Variants in SASH1 observed in about 807,000 individuals in gnomAD.
The protein encoded by SASH1 is SAM and SH3 domain containing 1.
Under a neutral mutation model 125.2 loss-of-function variants are expected in SASH1, and 44 were observed. The ratio of observed to expected loss-of-function variants is 0.35; its 90% CI spans 0.28 to 0.45. The LOEUF (loss-of-function observed/expected upper bound fraction) is 0.45, where lower values mean the gene tolerates loss of function less well. SASH1 is among the 20% of genes least tolerant of loss of function. The pLI, the probability that SASH1 is intolerant of heterozygous loss-of-function variation, is 1.00. For missense variants in SASH1, 1,426 were observed against 1,614.5 expected, an observed-to-expected ratio of 0.88 and a Z score of 2.00; for synonymous variants, 639 against 649.1, an observed-to-expected ratio of 0.98 and a Z score of 0.24.
chr6:148,313,647 G>A (rs13195974), intron 1 of SASH1, among the ~76,000 whole-genome samples: 53,851 of 151,864 alleles, frequency 0.35, 9,910 homozygotes, highest in Middle Eastern at 0.48. Context: ...GCACGAGCTC[G>A]ATGACATTTG....
chr6:148,526,046 CTTTTTTTTTTTT>C lies in SASH1; in HGVS notation c.1284+700_1284+711del, dbSNP rs34023266. ...TCAGACCCCAAGGGTGAAGGTGAGT[CTTTTTTTTTTTT>C]TTTTTTTTTTTTTTTTTTAAGATGG... On this transcript the variant is annotated intron_variant, in intron 11 of 19. Transcript: ENST00000367467. 7.0e-4 allele frequency among the ~76,000 whole-genome samples: 38 copies of C among 54,160 alleles called. 1 individual carries two copies. The South Asian group carries it at 0.026, about 37-fold the overall frequency. 35.5% of individuals were successfully genotyped at this position (54,160 alleles called of 152,430 possible).
chr6:148,488,713 G>A (rs1044818605), intron 8 of SASH1, among the ~76,000 whole-genome samples: 4 of 152,074 alleles, frequency 2.6e-5, no homozygotes, highest in Non-Finnish European at 4.4e-5. Context: ...ATGGTATCTC[G>A]TGATTTTGAT....
the SASH1 span, among the ~76,000 whole-genome samples, chr6:148,244,547 G>T: frequency 2.6e-5 from 4 of 152,186 alleles, no homozygotes; most frequent in African/African-American, 7.2e-5. Context: ...GGGTGCTAAG[G>T]CGTTGTTTGC....
intron 8 of SASH1, among the ~76,000 whole-genome samples, chr6:148,510,798 ACCAGCCTGG>A (rs1327712961): frequency 2.0e-5 from 3 of 151,916 alleles, no homozygotes; most frequent in Non-Finnish European, 2.9e-5. Flanking sequence ...GGAGTTCAAG[ACCAGCCTGG>A]CCAACATGGC....
At chr6:148,241,486 G>C in the SASH1 span, among the ~76,000 whole-genome samples, 1 of 152,112 alleles carries the variant, frequency 6.6e-6, no homozygotes, top group African/African-American at 2.4e-5. Context: ...ATCTCCTCTT[G>C]CTTTTAAAAC....
At chr6:148,534,680 C>G (rs1781733330) in intron 15 of SASH1, 71 bp from the exon 16 acceptor site, 1 of 1,452,320 alleles carries the variant, frequency 6.9e-7, no homozygotes, top group African/African-American at 1.4e-5. Context: ...GGGTTGCAGG[C>G]TAGTTGTTGG....
chr6:148,326,591 G>T lies in SASH1; in HGVS notation n.74+54214G>T, dbSNP rs534388104. On this transcript the variant is annotated intron_variant and non_coding_transcript_variant, in intron 1 of 3. Coordinates refer to the SASH1 transcript ENST00000367469. ...AGCTAATTGTATTTTTAATAGAGAC[G>T]GGGTTTCACCATGTTGGCCAGGCTG... Among the ~76,000 whole-genome samples the T allele has an allele frequency of 4.0e-5, 6 of 149,766 alleles. No individual in the cohort carries two copies. The East Asian group carries it at 1.2e-3, about 30-fold the overall frequency.
intron 4 of SASH1, among the ~76,000 whole-genome samples, chr6:148,453,474 A>G (rs73585671): frequency 0.079 from 12,028 of 152,164 alleles, 827 homozygotes; most frequent in African/African-American, 0.19. Flanking sequence ...AGTTAAGGAA[A>G]CCAAGGTTTA....
chr6:148,234,088 A>C, the SASH1 span, among the ~76,000 whole-genome samples: 6 of 151,880 alleles, frequency 4.0e-5, no homozygotes, highest in East Asian at 1.2e-3. Context: ...CCCAGGCTGG[A>C]GTGCAGTGGT....
intron 18 of SASH1, among the ~76,000 whole-genome samples, chr6:148,545,401 C>T (rs1378749543): frequency 6.6e-6 from 1 of 152,210 alleles, no homozygotes; most frequent in Non-Finnish European, 1.5e-5. Flanking sequence ...ACCTCTCTGA[C>T]CCTCCTTGAT....
At chr6:148,546,758 T>C (rs557726529) in intron 19 of SASH1, among the ~76,000 whole-genome samples, 1 of 152,326 alleles carries the variant, frequency 6.6e-6, no homozygotes, top group Non-Finnish European at 1.5e-5. Context: ...ATACACACAA[T>C]TTTTACTTGT....
chr6:148,290,252 G>C (rs1337216519), intron 1 of SASH1, among the ~76,000 whole-genome samples: 2 of 151,762 alleles, frequency 1.3e-5, no homozygotes, highest in African/African-American at 4.8e-5. Flanking sequence ...TTACGTCTTT[G>C]ATTCCCAAAT....
At chr6:148,361,485 C>G (rs1026781458) in intron 1 of SASH1, among the ~76,000 whole-genome samples, 2 of 151,990 alleles carry the variant, frequency 1.3e-5, no homozygotes, top group African/African-American at 2.4e-5. Flanking sequence ...GCCTGTAGTC[C>G]CAGCTACTCG....
intron 1 of SASH1, among the ~76,000 whole-genome samples, chr6:148,304,221 G>A (rs1196921385): frequency 1.3e-5 from 2 of 151,804 alleles, no homozygotes; most frequent in African/African-American, 4.8e-5. Flanking sequence ...GGCGGATCAC[G>A]AGGTCAGAAG....
chr6:148,342,831 G>A (rs1781375491), upstream of SASH1: 1 of 161,796 alleles, frequency 6.2e-6, no homozygotes, highest in African/African-American at 2.4e-5. Context: ...GCTGCGCCGA[G>A]CGGGGTGGGA....
chr6:148,337,837 G>A (rs1246533542), intron 1 of SASH1, among the ~76,000 whole-genome samples: 1 of 152,162 alleles, frequency 6.6e-6, no homozygotes, highest in East Asian at 1.9e-4. Context: ...TATGGTGATA[G>A]TTTTCACTCA....
In SASH1 at chr6:148,550,670, A is replaced by G. The variant is rs1782831550; in HGVS notation, c.*2112A>G. 2.0e-5 allele frequency: 3 copies of G among 152,252 alleles called. No homozygotes were observed. Among genetic ancestry groups the G allele is most frequent in the Admixed American group, 1.3e-4 (2 of 15,282 alleles). The allele number at this position is 152,252 out of a possible 1,614,324, so 9.4% of individuals were successfully genotyped here. On this transcript the variant is annotated 3_prime_UTR_variant, in exon 20 of 20. Coordinates refer to ENST00000367467, the MANE Select transcript of SASH1 (RefSeq NM_015278.5). ...CGGGTTGTGGCCTAGCCTATTTGCA[A>G]TGTAATGAAGCTGCAGGGTTCTTGT...
At chr6:148,446,130 A>T (rs1241047990) in intron 4 of SASH1, among the ~76,000 whole-genome samples, 2 of 68,220 alleles carry the variant, frequency 2.9e-5, no homozygotes, top group East Asian at 8.0e-4. Flanking sequence ...TTTTTTTGAG[A>T]CGGAGCCTCA....
intron 17 of SASH1, among the ~76,000 whole-genome samples, chr6:148,542,850 CAG>C (rs1491094647): frequency 7.9e-6 from 1 of 126,948 alleles, no homozygotes; most frequent in African/African-American, 3.0e-5. Flanking sequence ...TAACAAGGGA[CAG>C]TGTGTGTGTG....
Sources: gnomAD v4.1 joint callset for allele counts (sites outside exome capture counted in the v4.1 genomes callset) on GRCh38, gnomAD v4.1.1 for gene constraint, MANE v1.5 for transcripts, NCBI Gene and HGNC (gene_info 2026-07-23, HGNC 2026-07-21) for gene names.